SPRYD4: variants seen among roughly 807,000 people sequenced by gnomAD.
The protein encoded by SPRYD4 is SPRY domain-containing protein 4.
A neutral mutation model predicts 16.6 loss-of-function variants in SPRYD4; 12 were observed. That is an observed-to-expected ratio of 0.72 (90% CI 0.46 to 1.17). SPRYD4 has a LOEUF of 1.17. SPRYD4 is among the 50% of genes most tolerant of loss of function. The probability of loss-of-function intolerance (pLI) is 0.00; values close to 1 mark genes in which losing one functional copy is unlikely to be tolerated. For missense variants in SPRYD4, 260 were observed against 260.2 expected (o/e 1.00, Z 0.00); for synonymous variants, 98 against 105.4 (o/e 0.93, Z 0.43).
chr12:56,477,697 A>G lies in SPRYD4; in HGVS notation c.*8120A>G. 6.2e-7 allele frequency: 1 copy of G among 1,613,672 alleles called. No individual in the cohort carries two copies. The highest frequency in any genetic ancestry group is 8.5e-7 in the Non-Finnish European group (1 of 1,179,838). On this transcript the variant is annotated 3_prime_UTR_variant, in exon 2 of 2. Transcript: ENST00000338146. ...GCTGACAACAATGGCACCAGCATTGACCATGGGGTTATGGGGGATTCCTGG... is the reference window on the plus strand; with the variant it reads ...GCTGACAACAATGGCACCAGCATTGGCCATGGGGTTATGGGGGATTCCTGG...
rs1870107794 is a variant in SPRYD4, at chr12:56,479,431, T to C, written c.*9854T>C. 1 of 446,790 alleles carries C rather than the reference T, an allele frequency of 2.2e-6. No homozygotes were observed. Among genetic ancestry groups the C allele is most frequent in the East Asian group, 3.7e-5 (1 of 27,040 alleles). 27.7% of individuals were successfully genotyped at this position (446,790 alleles called of 1,614,324 possible). On this transcript the variant is annotated 3_prime_UTR_variant, in exon 2 of 2. Coordinates refer to ENST00000338146, the MANE Select transcript of SPRYD4 (RefSeq NM_207344.4). ...AAAAAAAATAAATACCAGAATAATA[T>C]GTATGTATGTTACCTTGATATTTAA...
Position 56,477,739 on chromosome 12 carries a change from A to G in SPRYD4, c.*8162A>G. 2 of 1,607,334 alleles carry G rather than the reference A, an allele frequency of 1.2e-6. No individual in the cohort carries two copies. Among genetic ancestry groups the G allele is most frequent in the South Asian group, 1.1e-5 (1 of 90,680 alleles). On this transcript the variant is annotated 3_prime_UTR_variant, in exon 2 of 2. Transcript: ENST00000338146. ...GATTCCTGGGGAAATACAAACCACC[A>G]AGAGTCTTAGCCACTGAACAAAGCC...
chr12:56,471,021 A>G lies in SPRYD4; in HGVS notation c.*1444A>G. ...GTCTATAAAATTGGCTGTTAGCAGT[A>G]GCAGCAGCATGTCCTGGCCAAGGGG... On this transcript the variant is annotated 3_prime_UTR_variant, in exon 2 of 2. Transcript: ENST00000338146. 4.2e-6 allele frequency: 1 copy of G among 240,422 alleles called. No homozygotes were observed. Among genetic ancestry groups the G allele is most frequent in the Non-Finnish European group, 8.0e-6 (1 of 125,772 alleles). 14.9% of individuals were successfully genotyped at this position (240,422 alleles called of 1,614,324 possible).
In SPRYD4 at chr12:56,469,885, C is replaced by T; in HGVS notation, c.*308C>T. On this transcript the variant is annotated 3_prime_UTR_variant, in exon 2 of 2. Transcript: ENST00000338146. ...AGGCCTTTCTCAGACTGTATTCCATCCTGGGGTCTTATCATTCAGCTTTGT... is the reference window on the plus strand; with the variant it reads ...AGGCCTTTCTCAGACTGTATTCCATTCTGGGGTCTTATCATTCAGCTTTGT... 1 of 363,394 alleles carries T rather than the reference C, an allele frequency of 2.8e-6. No homozygotes were observed. Among genetic ancestry groups the T allele is most frequent in the Non-Finnish European group, 5.1e-6 (1 of 195,818 alleles). The allele number at this position is 363,394 out of a possible 1,614,324, so 22.5% of individuals were successfully genotyped here.
Position 56,473,106 on chromosome 12 carries a change from G to A in SPRYD4, c.*3529G>A, listed in dbSNP as rs1348268045. The A allele has an allele frequency of 2.8e-5, 24 of 866,096 alleles. No homozygotes were observed. Among genetic ancestry groups the A allele is most frequent in the Non-Finnish European group, 4.2e-5 (23 of 545,220 alleles). The allele number at this position is 866,096 out of a possible 1,614,324, so 53.7% of individuals were successfully genotyped here. ...AGGTTTCACCGTGTTAGCCAGGATG[G>A]TCTTGATCTCCTGACCTTGTGATCC... On this transcript the variant is annotated 3_prime_UTR_variant, in exon 2 of 2. Coordinates refer to ENST00000338146, the MANE Select transcript of SPRYD4 (RefSeq NM_207344.4).
In SPRYD4 at chr12:56,473,198, T is replaced by G. The variant is rs751280159; in HGVS notation, c.*3621T>G. The G allele has an allele frequency of 1.2e-6, 2 of 1,605,464 alleles. No homozygotes were observed. Among genetic ancestry groups the G allele is most frequent in the African/African-American group, 1.3e-5 (1 of 74,812 alleles). ...GCCACCGCACCTGGCCTTTGAAATATTCTTACAAGCCACCTGGAGTTTTCC... is the reference window on the plus strand; with the variant it reads ...GCCACCGCACCTGGCCTTTGAAATAGTCTTACAAGCCACCTGGAGTTTTCC... On this transcript the variant is annotated 3_prime_UTR_variant, in exon 2 of 2. Transcript: ENST00000338146.
chr12:56,475,475 T>G lies in SPRYD4; in HGVS notation c.*5898T>G. The G allele has an allele frequency of 1.3e-6, 1 of 775,182 alleles. No homozygotes were observed. The highest frequency in any genetic ancestry group is 2.6e-5 in the East Asian group (1 of 38,612). 48.0% of individuals were successfully genotyped at this position (775,182 alleles called of 1,614,324 possible). On this transcript the variant is annotated 3_prime_UTR_variant, in exon 2 of 2. Transcript: ENST00000338146. ...ATTTTACAAGATAAACAAATGTTTATGAAGGGACTCAGAGGAAGCTGGAGG... is the reference window on the plus strand; with the variant it reads ...ATTTTACAAGATAAACAAATGTTTAGGAAGGGACTCAGAGGAAGCTGGAGG...
chr12:56,476,116 T>C lies in SPRYD4; in HGVS notation c.*6539T>C. The C allele has an allele frequency of 1.3e-6, 1 of 748,324 alleles. No homozygotes were observed. The highest frequency in any genetic ancestry group is 2.7e-5 in the East Asian group (1 of 37,542). The allele number at this position is 748,324 out of a possible 1,614,324, so 46.4% of individuals were successfully genotyped here. ...GTTCAATTTTATAATGGCCCTTTTTTTATCCTTCTGAAAACACCGCACTTC... is the reference window on the plus strand; with the variant it reads ...GTTCAATTTTATAATGGCCCTTTTTCTATCCTTCTGAAAACACCGCACTTC... On this transcript the variant is annotated 3_prime_UTR_variant, in exon 2 of 2. Transcript: ENST00000338146.
In SPRYD4 at chr12:56,469,029, C is replaced by G. The variant is rs780610830; in HGVS notation, c.86-10C>G. On this transcript the variant is annotated splice_polypyrimidine_tract_variant and intron_variant, in intron 1 of 1. Transcript: ENST00000338146. ...CCTGTTATTATCCCGTCTTTTTGCT[C>G]TGCCCGCAGGCGTCAGTTTCAAACT... The G allele has an allele frequency of 6.5e-7, 1 of 1,543,332 alleles. No homozygotes were observed. Among genetic ancestry groups the G allele is most frequent in the African/African-American group, 1.4e-5 (1 of 72,372 alleles).
In SPRYD4 at chr12:56,478,428, C is replaced by G; in HGVS notation, c.*8851C>G. 1.5e-6 allele frequency: 1 copy of G among 648,956 alleles called. No individual in the cohort carries two copies. Among genetic ancestry groups the G allele is most frequent in the South Asian group, 1.9e-5 (1 of 53,076 alleles). 40.2% of individuals were successfully genotyped at this position (648,956 alleles called of 1,614,324 possible). On this transcript the variant is annotated 3_prime_UTR_variant, in exon 2 of 2. Coordinates refer to ENST00000338146, the MANE Select transcript of SPRYD4 (RefSeq NM_207344.4). ...TCCCAGAAATGCCCGAGCCTTAAGTCCTAGAAGGCCATATCTTTGTGTATC... is the reference window on the plus strand; with the variant it reads ...TCCCAGAAATGCCCGAGCCTTAAGTGCTAGAAGGCCATATCTTTGTGTATC...
At chr12:56,468,817 A>T (rs1869106727) in intron 1 of SPRYD4, 141 bp downstream of exon 1, 3 of 1,070,976 alleles carry the variant, frequency 2.8e-6, no homozygotes, top group Admixed American at 5.4e-5. Context: ...CAAACCTGTG[A>T]TACCATTTGG....
Position 56,478,586 on chromosome 12 carries a change from C to T in SPRYD4, c.*9009C>T, listed in dbSNP as rs1483365725. On this transcript the variant is annotated 3_prime_UTR_variant, in exon 2 of 2. Transcript: ENST00000338146. The stretch of plus-strand genomic sequence containing the variant: ...TGAAGGCTCTATTCGATCTTGATTC[C>T]CTCACCTGCTCTAGGAATCGTGTAT... 3.1e-5 allele frequency: 10 copies of T among 325,406 alleles called. No homozygotes were observed. In the Admixed American group the frequency reaches 4.5e-4, roughly 15 times the overall value. The allele number at this position is 325,406 out of a possible 1,614,324, so 20.2% of individuals were successfully genotyped here.
chr12:56,477,781 C>A lies in SPRYD4; in HGVS notation c.*8204C>A. 1.9e-6 allele frequency: 3 copies of A among 1,569,102 alleles called. No individual in the cohort carries two copies. The highest frequency in any genetic ancestry group is 2.6e-6 in the Non-Finnish European group (3 of 1,150,820). Reference sequence around the variant, plus strand: ...AACAAAGCCTCCCTGACAGCCCGCTCACTTTGTGGGTTAGACAAGAAAGAC... The same window carrying A: ...AACAAAGCCTCCCTGACAGCCCGCTAACTTTGTGGGTTAGACAAGAAAGAC... On this transcript the variant is annotated 3_prime_UTR_variant, in exon 2 of 2. Coordinates refer to ENST00000338146, the MANE Select transcript of SPRYD4 (RefSeq NM_207344.4).
rs369088791 is a variant in SPRYD4, at chr12:56,468,626, G to T, written c.35G>T (p.Cys12Phe). 1.9e-5 allele frequency: 30 copies of T among 1,613,892 alleles called. No homozygotes were observed. The highest frequency in any genetic ancestry group is 2.4e-5 in the Non-Finnish European group (28 of 1,180,004). The change falls in exon 1 of 2, where the codon TGC (cysteine) becomes TTC (phenylalanine). Residue 12 changes from cysteine to phenylalanine, a missense_variant. By Grantham distance (205) the Cys-to-Phe change is radical (BLOSUM62 -2). Transcript: ENST00000338146. ...CTTTTTGCACGTTCTTTGCGCTTGT[G>T]CCGCTGGGGAGCCAAACGATTGGGA... ...ALLFARSLRL[C>F]RWGAKRLGVA... is the part of the protein sequence containing the mutation.
rs1869168543 is a variant in SPRYD4, at chr12:56,470,036, A to G, written c.*459A>G. ...TCTGGCTGAAGGAGTGGTGCAGTCA[A>G]TGACTTGGCCCTTTTTCTACAGCAC... is the stretch of plus-strand genomic sequence containing the variant. On this transcript the variant is annotated 3_prime_UTR_variant, in exon 2 of 2. Coordinates refer to ENST00000338146, the MANE Select transcript of SPRYD4 (RefSeq NM_207344.4). The G allele has an allele frequency of 6.0e-6, 1 of 165,742 alleles. No individual in the cohort carries two copies. Among genetic ancestry groups the G allele is most frequent in the Non-Finnish European group, 1.3e-5 (1 of 74,362 alleles). 10.3% of individuals were successfully genotyped at this position (165,742 alleles called of 1,614,324 possible). A position where few individuals can be genotyped will look rare whatever the true frequency, so the allele number is the denominator to read the frequency against.
At position 56,473,018 on chromosome 12, in the gene SPRYD4, T is replaced by C; in HGVS notation, c.*3441T>C. On this transcript the variant is annotated 3_prime_UTR_variant, in exon 2 of 2. Coordinates refer to ENST00000338146, the MANE Select transcript of SPRYD4 (RefSeq NM_207344.4). The stretch of plus-strand genomic sequence containing the variant: ...GATTCTCCTGCCTCAGCCTCCCAAG[T>C]AGCTGGGACCACAGGCGCGTGCCAC... 1 of 595,136 alleles carries C rather than the reference T, an allele frequency of 1.7e-6. No individual in the cohort carries two copies. The highest frequency in any genetic ancestry group is 3.0e-5 in the East Asian group (1 of 33,294). The allele number at this position is 595,136 out of a possible 1,614,324, so 36.9% of individuals were successfully genotyped here. A position where few individuals can be genotyped will look rare whatever the true frequency, so the allele number is the denominator to read the frequency against.
chr12:56,477,465 G>A lies in SPRYD4; in HGVS notation c.*7888G>A, dbSNP rs948413821. On this transcript the variant is annotated 3_prime_UTR_variant, in exon 2 of 2. Coordinates refer to ENST00000338146, the MANE Select transcript of SPRYD4 (RefSeq NM_207344.4). ...GGGAACAGTACTGAGTGGGGATGAC[G>A]GAGGTGGTGCAGTCTCTTATACTGA... The A allele has an allele frequency of 1.7e-5, 9 of 542,214 alleles. No homozygotes were observed. Among genetic ancestry groups the A allele is most frequent in the Admixed American group, 9.8e-5 (3 of 30,746 alleles). 33.6% of individuals were successfully genotyped at this position (542,214 alleles called of 1,614,324 possible).
rs1377663009 is a variant in SPRYD4 at position 56,474,996 on chromosome 12, T to C, written c.*5419T>C. On this transcript the variant is annotated 3_prime_UTR_variant, in exon 2 of 2. Transcript: ENST00000338146. ...CCCCCAACCCCTACTGCCCTTCCAC[T>C]AGCAGCAGAATTCCCAGGGACTTTC... 8.1e-6 allele frequency: 13 copies of C among 1,613,840 alleles called. No individual in the cohort carries two copies. Among genetic ancestry groups the C allele is most frequent in the Non-Finnish European group, 1.1e-5 (13 of 1,180,024 alleles).
chr12:56,475,601 C>G lies in SPRYD4; in HGVS notation c.*6024C>G. 6.2e-7 allele frequency: 1 copy of G among 1,611,866 alleles called. No individual in the cohort carries two copies. Among genetic ancestry groups the G allele is most frequent in the Non-Finnish European group, 8.5e-7 (1 of 1,177,972 alleles). ...ACACATACACCACAATGCTTTCAGT[C>G]AGTCCTCTGAGTAGGGACTTACGTG... On this transcript the variant is annotated 3_prime_UTR_variant, in exon 2 of 2. Transcript: ENST00000338146.
Sources: gnomAD v4.1 joint callset for allele counts on GRCh38, gnomAD v4.1.1 for gene constraint, MANE v1.5 for transcripts, NCBI Gene and HGNC (gene_info 2026-07-23, HGNC 2026-07-21) for gene names.